The following FHIT variants were observed in gnomAD, a reference collection of about 807,000 sequenced individuals.
FHIT encodes fragile histidine triad diadenosine triphosphatase, also known as bis(5'-adenosyl)-triphosphatase.
FHIT carries 19 observed loss-of-function variants against 17.9 expected under a neutral mutation model. The ratio of observed to expected loss-of-function variants is 1.06; its 90% CI spans 0.74 to 1.56. The LOEUF is 1.56. FHIT is among the 40% of genes most tolerant of loss of function. The pLI, the probability that FHIT is intolerant of heterozygous loss-of-function variation, is 0.00. For missense variants in FHIT, 248 were observed against 189.2 expected (o/e 1.31, Z -1.82); for synonymous variants, 81 against 69.7 (o/e 1.16, Z -0.81).
At position 59,749,514 on chromosome 3, in the gene FHIT, G is replaced by GC. The variant is rs1321977255; in HGVS notation, c.*70dup. On this transcript the variant is annotated 3_prime_UTR_variant, in exon 10 of 10. Coordinates refer to ENST00000492590, the MANE Select transcript of FHIT (RefSeq NM_002012.4). ...CTGATTCAGTTCCTCTTGGGGAGAG[G>GC]CGGGGGGCGGTCTTCAAACTGGTTG... The GC allele has an allele frequency of 1.3e-3, 166 of 124,206 alleles. No homozygotes were observed. The highest frequency in any genetic ancestry group is 0.012 in the African/African-American group (156 of 13,010). The allele number at this position is 124,206 out of a possible 1,614,324, so 7.7% of individuals were successfully genotyped here.
In FHIT at chr3:60,690,402, G is replaced by A. The variant is rs547593591; in HGVS notation, c.-18+131517C>T. On this transcript the variant is annotated intron_variant, in intron 4 of 9. Coordinates refer to ENST00000492590, the MANE Select transcript of FHIT (RefSeq NM_002012.4). ...ACATGAAAAACTGGGAACCATTTGC[G>A]TTGGGTCCAGCATTTGCCATGGACA... The A allele has an allele frequency of 6.7e-5, 39 of 579,154 alleles. 1 individual carries two copies. Among genetic ancestry groups the A allele is most frequent in the Admixed American group, 1.5e-4 (8 of 53,090 alleles). 35.9% of individuals were successfully genotyped at this position (579,154 alleles called of 1,614,324 possible). A position where few individuals can be genotyped will look rare whatever the true frequency, so the allele number is the denominator to read the frequency against.
chr3:59,916,533 A>C (rs1345320201), intron 8 of FHIT, among the ~76,000 whole-genome samples: 1 of 152,194 alleles, frequency 6.6e-6, no homozygotes, highest in Non-Finnish European at 1.5e-5. Flanking sequence ...TACATATATT[A>C]TCTGAATATT....
intron 4 of FHIT, among the ~76,000 whole-genome samples, chr3:60,711,261 A>G (rs2041522471): frequency 6.6e-6 from 1 of 152,198 alleles, no homozygotes; most frequent in African/African-American, 2.4e-5. Flanking sequence ...ATCCACACCA[A>G]AAACCCATCT....
chr3:60,138,704 C>CTGGGGAA (rs1306113574), intron 5 of FHIT, among the ~76,000 whole-genome samples: 1 of 151,970 alleles, frequency 6.6e-6, no homozygotes, highest in Non-Finnish European at 1.5e-5. Context: ...ACAGAGAGAA[C>CTGGGGAA]TGGGGAATGG....
At chr3:60,713,361 A>T (rs1368418629) in intron 4 of FHIT, among the ~76,000 whole-genome samples, 1 of 151,426 alleles carries the variant, frequency 6.6e-6, no homozygotes, top group African/African-American at 2.4e-5. Flanking sequence ...CATCACAGTT[A>T]AAAGAACTAG....
chr3:60,267,479 T>G (rs1197823187), intron 5 of FHIT, among the ~76,000 whole-genome samples: 1 of 152,140 alleles, frequency 6.6e-6, no homozygotes, highest in Non-Finnish European at 1.5e-5. Flanking sequence ...CAAAAATATT[T>G]TAAATTACTC....
intron 4 of FHIT, among the ~76,000 whole-genome samples, chr3:60,712,662 G>C (rs1398526797): frequency 1.3e-5 from 2 of 151,810 alleles, no homozygotes; most frequent in Non-Finnish European, 2.9e-5. Flanking sequence ...AACCAACAAA[G>C]ATCAAAAGAG....
At chr3:60,221,984 G>A (rs1703982352) in intron 5 of FHIT, among the ~76,000 whole-genome samples, 1 of 151,846 alleles carries the variant, frequency 6.6e-6, no homozygotes, top group Non-Finnish European at 1.5e-5. Context: ...ATTCCATTAG[G>A]AGCACGGCCT....
chr3:60,575,699 G>C (rs146318883), intron 4 of FHIT, among the ~76,000 whole-genome samples: 32 of 152,302 alleles, frequency 2.1e-4, no homozygotes, highest in African/African-American at 7.0e-4. Context: ...TTGGAGAGAT[G>C]CAAGAACATA....
Position 60,967,788 on chromosome 3 carries a change from A to G in FHIT, c.-111+74259T>C, listed in dbSNP as rs573530467. Reference sequence around the variant, plus strand: ...GCATTACACTAGACTTTCACTATTTATAATTATTTTTCTAGGACCATGATC... The same window carrying G: ...GCATTACACTAGACTTTCACTATTTGTAATTATTTTTCTAGGACCATGATC... On this transcript the variant is annotated intron_variant, in intron 3 of 9. Transcript: ENST00000492590. 4.6e-5 allele frequency among the ~76,000 whole-genome samples: 7 copies of G among 152,342 alleles called. 1 individual carries two copies. In the East Asian group the frequency reaches 9.6e-4, roughly 21 times the overall value.
At chr3:60,673,534 C>T (rs1256674731) in intron 4 of FHIT, among the ~76,000 whole-genome samples, 5 of 150,652 alleles carry the variant, frequency 3.3e-5, no homozygotes, top group Admixed American at 6.6e-5. Context: ...TGGGGGGCAG[C>T]GGTGGGAGGG....
rs183841877 is a variant in FHIT, at chr3:60,474,693, G to A, written c.103+62167C>T. On this transcript the variant is annotated intron_variant, in intron 5 of 9. Transcript: ENST00000492590. ...GGCTGGAGTGCAGTGGCACAATCTCGGCTCACCACAACCTCTGCCTCCCGG... is the reference window on the plus strand; with the variant it reads ...GGCTGGAGTGCAGTGGCACAATCTCAGCTCACCACAACCTCTGCCTCCCGG... 1.5e-3 allele frequency among the ~76,000 whole-genome samples: 224 copies of A among 151,064 alleles called. 2 individuals are homozygous for A. Among genetic ancestry groups the A allele is most frequent in the African/African-American group, 5.2e-3 (212 of 41,072 alleles).
intron 5 of FHIT, among the ~76,000 whole-genome samples, chr3:60,505,119 A>G (rs1220506863): frequency 1.3e-5 from 2 of 152,232 alleles, no homozygotes; most frequent in African/African-American, 4.8e-5. Context: ...AAACAGAAAA[A>G]AACAAAATAA....
At chr3:59,880,572 G>A (rs1703367206) in intron 8 of FHIT, among the ~76,000 whole-genome samples, 1 of 152,140 alleles carries the variant, frequency 6.6e-6, no homozygotes, top group Admixed American at 6.5e-5. Flanking sequence ...GTGTCCCACT[G>A]TGCAAGCACT....
intron 5 of FHIT, among the ~76,000 whole-genome samples, chr3:60,052,187 G>A (rs1425909679): frequency 6.6e-6 from 1 of 152,130 alleles, no homozygotes; most frequent in Non-Finnish European, 1.5e-5. Context: ...AGGGGTCACA[G>A]TCTATAATCC....
At chr3:60,882,390 T>C (rs960814380) in intron 3 of FHIT, among the ~76,000 whole-genome samples, 4 of 151,892 alleles carry the variant, frequency 2.6e-5, no homozygotes, top group African/African-American at 9.7e-5. Flanking sequence ...AGACCATTAT[T>C]ACCCTGATAC....
Position 59,787,890 on chromosome 3 carries a change from A to G in FHIT, c.349-35569T>C, listed in dbSNP as rs182282215. Among the ~76,000 whole-genome samples the G allele has an allele frequency of 2.0e-5, 3 of 152,258 alleles. No individual in the cohort carries two copies. In the East Asian group the frequency reaches 5.8e-4, roughly 29 times the overall value. ...CCTGCTATGTTATCTTGTTTTCTAC[A>G]AACCCTTCCTAGCTACCATCTATGT... On this transcript the variant is annotated intron_variant, in intron 8 of 9. Coordinates refer to ENST00000492590, the MANE Select transcript of FHIT (RefSeq NM_002012.4).
chr3:61,220,635 C>T (rs887365535), intron 1 of FHIT, among the ~76,000 whole-genome samples: 21 of 152,124 alleles, frequency 1.4e-4, no homozygotes, highest in Non-Finnish European at 2.8e-4. Context: ...AGCAATAATA[C>T]GGACCACATC....
At chr3:60,012,653 C>G (rs1448826946) in intron 6 of FHIT, among the ~76,000 whole-genome samples, 1 of 152,000 alleles carries the variant, frequency 6.6e-6, no homozygotes, top group African/African-American at 2.4e-5. Flanking sequence ...TTTCCTTTAT[C>G]AATATAGGCA....
Sources: gnomAD v4.1 joint callset for allele counts (sites outside exome capture counted in the v4.1 genomes callset) on GRCh38, gnomAD v4.1.1 for gene constraint, MANE v1.5 for transcripts, NCBI Gene and HGNC (gene_info 2026-07-23, HGNC 2026-07-21) for gene names.